IGHMBP2: variants seen among roughly 807,000 people sequenced by gnomAD.
IGHMBP2 encodes the protein DNA-binding protein SMUBP-2.
IGHMBP2 carries 81 observed loss-of-function variants against 96.0 expected under a neutral mutation model. The observed-to-expected ratio is 0.84, with a 90% CI of 0.71 to 1.01. The LOEUF is 1.01. Among genes scored for constraint, IGHMBP2 ranks in the 50% least tolerant of loss-of-function variants. The probability of loss-of-function intolerance (pLI) is 0.00; values close to 1 mark genes in which losing one functional copy is unlikely to be tolerated. For synonymous variants in IGHMBP2, 557 were observed against 548.9 expected (o/e 1.01, Z -0.21); for missense variants, 1,227 against 1,306.3 (o/e 0.94, Z 0.94).
intron 4 of IGHMBP2, among the ~76,000 whole-genome samples, chr11:68,909,141 C>G (rs566738859): frequency 8.0e-6 from 1 of 125,554 alleles, no homozygotes; most frequent in African/African-American, 3.1e-5. Flanking sequence ...GCGCCTGGCC[C>G]CATTGAGTTT....
At chr11:68,929,042 A>C in intron 7 of IGHMBP2, 141 bp from the exon 8 acceptor site, 3 of 847,932 alleles carry the variant, frequency 3.5e-6, no homozygotes, top group Non-Finnish European at 5.9e-6. Flanking sequence ...CCAAGTTTTT[A>C]TTACAAGATA....
intron 2 of IGHMBP2, among the ~76,000 whole-genome samples, chr11:68,907,456 C>T (rs113611890): frequency 2.6e-5 from 4 of 152,290 alleles, no homozygotes; most frequent in South Asian, 2.1e-4. Context: ...GCTTCTTAAC[C>T]ACACGCCTGG....
At position 68,921,048 on chromosome 11, in the gene IGHMBP2, T is replaced by A. The variant is rs112477296; in HGVS notation, c.1060+3165T>A. On this transcript the variant is annotated intron_variant, in intron 7 of 14. Coordinates refer to ENST00000255078, the MANE Select transcript of IGHMBP2 (RefSeq NM_002180.3). ...CTGGCCTCAAGTGATCCTCCCACTT[T>A]GGCCTAAAGTGAATTTTTTTGTAGA... is the stretch of plus-strand genomic sequence containing the variant. Among the ~76,000 whole-genome samples, 557 of 152,268 alleles carry A rather than the reference T, an allele frequency of 3.7e-3. 4 individuals carry two copies. The highest frequency in any genetic ancestry group is 0.012 in the African/African-American group (496 of 41,560).
intron 6 of IGHMBP2, 135 bp from the exon 7 acceptor site, chr11:68,917,601 T>C: frequency 2.7e-6 from 2 of 753,488 alleles, no homozygotes; most frequent in Non-Finnish European, 4.6e-6. Context: ...TCTGTGTCTC[T>C]TTCAAGGAAG....
intron 8 of IGHMBP2, chr11:68,929,606 GT>G (rs756108682): frequency 1.1e-5 from 5 of 435,064 alleles, no homozygotes; most frequent in Non-Finnish European, 1.5e-5. Context: ...GGCCTGGCAC[GT>G]TTCTGGTGTT....
At chr11:68,927,222 G>A (rs766526586) in intron 7 of IGHMBP2, among the ~76,000 whole-genome samples, 5 of 152,184 alleles carry the variant, frequency 3.3e-5, no homozygotes, top group Non-Finnish European at 7.3e-5. Flanking sequence ...GTTTGTTGTT[G>A]TTGCCACTTG....
At chr11:68,915,590 C>G (rs1005182270) in intron 6 of IGHMBP2, among the ~76,000 whole-genome samples, 1 of 151,932 alleles carries the variant, frequency 6.6e-6, no homozygotes, top group African/African-American at 2.4e-5. Context: ...TCAAGTGATT[C>G]TTGTGCCTCA....
chr11:68,936,165 A>G (rs1859518214), intron 12 of IGHMBP2, 72 bp from the exon 13 acceptor site: 1 of 1,567,000 alleles, frequency 6.4e-7, no homozygotes, highest in East Asian at 2.2e-5. Context: ...GTGGTTACTG[A>G]TAAGGGCGTA....
At position 68,936,641 on chromosome 11, in the gene IGHMBP2, G is replaced by A; in HGVS notation, c.2161G>A (p.Glu721Lys). 6.2e-7 allele frequency: 1 copy of A among 1,613,912 alleles called. No homozygotes were observed. The highest frequency in any genetic ancestry group is 1.1e-5 in the South Asian group (1 of 91,086). The change falls in exon 13 of 15, where the codon GAG becomes AAG. Residue 721 changes from glutamate (E) to lysine (K), a missense_variant. Physicochemically the swap from Glu to Lys is moderately conservative, Grantham distance 56 (BLOSUM62 1). This residue lies in a region of IGHMBP2 where 703 missense variants were observed against 770.3 expected (regional missense o/e 0.91). Coordinates refer to ENST00000255078, the MANE Select transcript of IGHMBP2 (RefSeq NM_002180.3). ...SLNGGSPEGV[E>K]SQDGVDHFRA... ...CAACGGAGGCAGCCCAGAGGGAGTG[G>A]AGAGCCAAGATGGCGTGGACCACTT...
At chr11:68,929,744 G>C in intron 8 of IGHMBP2, 1 of 985,450 alleles carries the variant, frequency 1.0e-6, no homozygotes, top group Non-Finnish European at 1.2e-6. Flanking sequence ...TCTTCAATCT[G>C]TAGACACATC....
At position 68,915,017 on chromosome 11, in the gene IGHMBP2, G is replaced by C. The variant is rs1360435468; in HGVS notation, c.906G>C (p.Gln302His). ...CAGATATCAGGAAGGACATCGACCA[G>C]GTCTTTGTAGGTGTCATGGCCAGTG... The part of the protein sequence containing the change: ...IVADIRKDID[Q>H]VFVKNKKTQD... Residue 302 changes from glutamine (Q) to histidine (H), a missense_variant, in exon 6 of 15, where the codon CAG becomes CAC. Gln to His is a conservative substitution (Grantham distance 24). Around this residue, in one of 3 missense-constraint regions of IGHMBP2, gnomAD observed 507 missense variants for 496.9 expected, o/e 1.02. Coordinates refer to ENST00000255078, the MANE Select transcript of IGHMBP2 (RefSeq NM_002180.3). The C allele has an allele frequency of 6.2e-7, 1 of 1,613,680 alleles. No individual in the cohort carries two copies. Among genetic ancestry groups the C allele is most frequent in the African/African-American group, 1.3e-5 (1 of 74,910 alleles).
At chr11:68,925,710 A>G (rs1309587122) in intron 7 of IGHMBP2, among the ~76,000 whole-genome samples, 1 of 152,142 alleles carries the variant, frequency 6.6e-6, no homozygotes, top group Non-Finnish European at 1.5e-5. Flanking sequence ...CATTTTTTGA[A>G]GGATAGTCTT....
At chr11:68,907,037 A>G (rs1458319671) in intron 2 of IGHMBP2, among the ~76,000 whole-genome samples, 1 of 152,042 alleles carries the variant, frequency 6.6e-6, no homozygotes, top group African/African-American at 2.4e-5. Flanking sequence ...AGGTGGGTGG[A>G]TCACTTGATC....
intron 7 of IGHMBP2, among the ~76,000 whole-genome samples, chr11:68,925,747 G>C (rs1859041580): frequency 6.6e-6 from 1 of 152,174 alleles, no homozygotes; most frequent in African/African-American, 2.4e-5. Context: ...TTGGTTGACA[G>C]TCTTTCAGCC....
intron 6 of IGHMBP2, 143 bp downstream of exon 6, chr11:68,915,166 CTTTTTTTTTTTTTTTTTTT>C (rs71043470): frequency 1.9e-5 from 4 of 206,380 alleles, no homozygotes; most frequent in East Asian, 1.0e-4. Flanking sequence ...TTGGGCTGCC[CTTTTTTTTTTTTTTTTTTT>C]TTTTTTTTTT....
chr11:68,938,138 G>C (rs1397606675), intron 13 of IGHMBP2, 44 bp from the exon 14 acceptor site: 1 of 1,605,402 alleles, frequency 6.2e-7, no homozygotes, highest in South Asian at 1.1e-5. Flanking sequence ...TGAGGGGCCA[G>C]GTGTTGTCTT....
At chr11:68,909,780 A>T (rs985212127) in intron 4 of IGHMBP2, among the ~76,000 whole-genome samples, 1 of 152,082 alleles carries the variant, frequency 6.6e-6, no homozygotes, top group Non-Finnish European at 1.5e-5. Flanking sequence ...GGTGCCCGCC[A>T]CCATGCCCGG....
chr11:68,908,472 T>C (rs1858291155), intron 3 of IGHMBP2, 62 bp from the exon 4 acceptor site: 1 of 1,488,406 alleles, frequency 6.7e-7, no homozygotes, highest in Non-Finnish European at 9.4e-7. Context: ...GGTGGCAGCA[T>C]TGGGGCAGAG....
intron 6 of IGHMBP2, 57 bp downstream of exon 6, chr11:68,915,080 T>C: frequency 7.2e-7 from 1 of 1,395,864 alleles, no homozygotes; most frequent in South Asian, 1.2e-5. Context: ...GCAGTCTTTT[T>C]AAGGAGCAAA....
Sources: allele counts gnomAD v4.1 joint callset (sites outside exome capture counted in the v4.1 genomes callset), GRCh38; gene constraint gnomAD v4.1.1; regional missense constraint gnomAD v4.1.1; transcripts MANE v1.5; gene names NCBI Gene and HGNC (gene_info 2026-07-23, HGNC 2026-07-21).